OSBPL9: variants seen among roughly 807,000 people sequenced by gnomAD.
OSBPL9 encodes the protein oxysterol-binding protein-related protein 9.
OSBPL9 carries 40 observed loss-of-function variants against 106.6 expected under a neutral mutation model. That is an observed-to-expected ratio of 0.38 (90% CI 0.29 to 0.49). OSBPL9 has a LOEUF of 0.49. Ranked by LOEUF, OSBPL9 falls within the 20% of genes least tolerant of loss-of-function variation. The pLI is 0.97. For missense variants in OSBPL9, 609 were observed against 887.2 expected (o/e 0.69, Z 3.98); for synonymous variants, 269 against 295.4 (o/e 0.91, Z 0.92).
intron 3 of OSBPL9, among the ~76,000 whole-genome samples, chr1:51,705,444 G>T (rs1179889333): frequency 1.2e-5 from 1 of 80,216 alleles, no homozygotes; most frequent in Non-Finnish European, 2.2e-5. Context: ...ACGGAGTTTC[G>T]CTCTTGTTGC....
At chr1:51,617,278 G>T in intron 1 of OSBPL9, 57 bp downstream of exon 1, 2 of 1,525,678 alleles carry the variant, frequency 1.3e-6, no homozygotes, top group Non-Finnish European at 1.8e-6. Flanking sequence ...CCTGGGTGGA[G>T]GTGGGGGACC....
At chr1:51,718,535 G>C (rs996271214) in intron 4 of OSBPL9, among the ~76,000 whole-genome samples, 1 of 152,006 alleles carries the variant, frequency 6.6e-6, no homozygotes, top group Admixed American at 6.6e-5. Context: ...AGAATTTCTT[G>C]TCATTGGATA....
chr1:51,549,182 A>G, the OSBPL9 span, among the ~76,000 whole-genome samples: 1 of 152,164 alleles, frequency 6.6e-6, no homozygotes, highest in Non-Finnish European at 1.5e-5. Flanking sequence ...TCACCACCCT[A>G]CTTCCTGTCA....
chr1:51,654,426 CTTGA>C (rs1183983866), intron 2 of OSBPL9, among the ~76,000 whole-genome samples: 2 of 152,094 alleles, frequency 1.3e-5, no homozygotes, highest in Non-Finnish European at 2.9e-5. Flanking sequence ...AAGATGACTG[CTTGA>C]TTATTTCCTA....
chr1:51,519,315 G>A, the OSBPL9 span: 1 of 501,256 alleles, frequency 2.0e-6, no homozygotes, highest in Non-Finnish European at 3.1e-6. Context: ...AGCGGCCGCA[G>A]GCGAGGCCGG....
the OSBPL9 span, among the ~76,000 whole-genome samples, chr1:51,550,280 G>A: frequency 7.2e-5 from 11 of 152,180 alleles, no homozygotes; most frequent in East Asian, 1.5e-3. Context: ...AGGTAGTACA[G>A]AAAAAAATAA....
chr1:51,533,640 A>G, the OSBPL9 span, among the ~76,000 whole-genome samples: 1 of 152,072 alleles, frequency 6.6e-6, no homozygotes, highest in African/African-American at 2.4e-5. Flanking sequence ...TCGAGCCTCA[A>G]AATGGAGCAA....
upstream of OSBPL9, among the ~76,000 whole-genome samples, chr1:51,613,992 A>C (rs549247021): frequency 1.2e-3 from 182 of 152,238 alleles, no homozygotes; most frequent in African/African-American, 4.2e-3. Context: ...TTTGTTGCCC[A>C]GGCTGGTCTG....
At chr1:51,657,040 A>G (rs919564452) in intron 2 of OSBPL9, among the ~76,000 whole-genome samples, 1 of 152,092 alleles carries the variant, frequency 6.6e-6, no homozygotes, top group African/African-American at 2.4e-5. Flanking sequence ...TTACATGTTA[A>G]TTTTTCTGTT....
chr1:51,607,474 T>C (rs577023998), intron 2 of OSBPL9, among the ~76,000 whole-genome samples: 1 of 152,306 alleles, frequency 6.6e-6, no homozygotes, highest in Admixed American at 6.5e-5. Flanking sequence ...CAGATGTTTT[T>C]CTGTAGTATA....
chr1:51,761,372 A>G (rs1437132441), intron 10 of OSBPL9, among the ~76,000 whole-genome samples: 2 of 151,820 alleles, frequency 1.3e-5, no homozygotes, highest in East Asian at 1.9e-4. Context: ...GTTATATCCA[A>G]CATTTCTATG....
At chr1:51,702,734 A>G (rs895942134) in intron 3 of OSBPL9, among the ~76,000 whole-genome samples, 2 of 152,176 alleles carry the variant, frequency 1.3e-5, no homozygotes, top group African/African-American at 4.8e-5. Context: ...TATGTCCTGA[A>G]TGGTATTGCC....
chr1:51,598,525 TC>T (rs1280927533), intron 2 of OSBPL9, among the ~76,000 whole-genome samples: 1 of 152,194 alleles, frequency 6.6e-6, no homozygotes, highest in African/African-American at 2.4e-5. Context: ...CTTTGACTCA[TC>T]AGATGTAAGT....
intron 2 of OSBPL9, among the ~76,000 whole-genome samples, chr1:51,600,502 A>G (rs1645321251): frequency 6.6e-6 from 1 of 151,964 alleles, no homozygotes. Context: ...TGGATTCATT[A>G]TTATATATTC....
chr1:51,709,320 G>A (rs2148877830), intron 3 of OSBPL9: 1 of 217,184 alleles, frequency 4.6e-6, no homozygotes, highest in Non-Finnish European at 9.8e-6. Context: ...CCCCATGCAA[G>A]CCCTCAACTT....
the OSBPL9 span, among the ~76,000 whole-genome samples, chr1:51,538,048 T>C: frequency 6.6e-6 from 1 of 151,930 alleles, no homozygotes; most frequent in Non-Finnish European, 1.5e-5. Context: ...CTCAGCACTT[T>C]GGGAGGCCAA....
At chr1:51,659,610 AAAAGTAAT>A (rs1261136062) in intron 2 of OSBPL9, among the ~76,000 whole-genome samples, 1 of 152,054 alleles carries the variant, frequency 6.6e-6, no homozygotes, top group Non-Finnish European at 1.5e-5. Flanking sequence ...ATTCTGTGAA[AAAAGTAAT>A]AAAATAAACC....
Position 51,750,187 on chromosome 1 carries a change from A to G in OSBPL9, c.535A>G (p.Ile179Val). Reference protein sequence around the residue: ...SIKHCIVLLQIAKDQSNAEKH... With the variant: ...SIKHCIVLLQVAKDQSNAEKH... ...TAAACACTGCATTGTGTTGCTGCAG[A>G]TTGCCAAAGTAAGTAAATTTTACTT... is the stretch of plus-strand genomic sequence containing the variant. The change falls in exon 8 of 24, where the codon ATT becomes GTT. Residue 179 changes from isoleucine (I) to valine (V), a missense_variant. Ile to Val is a conservative substitution (Grantham distance 29). Coordinates refer to ENST00000428468, the MANE Select transcript of OSBPL9 (RefSeq NM_024586.6). The G allele has an allele frequency of 6.2e-7, 1 of 1,605,730 alleles. No individual in the cohort carries two copies. Among genetic ancestry groups the G allele is most frequent in the Non-Finnish European group, 8.5e-7 (1 of 1,176,262 alleles).
chr1:51,570,351 T>C, the OSBPL9 span, among the ~76,000 whole-genome samples: 1 of 152,254 alleles, frequency 6.6e-6, no homozygotes, highest in African/African-American at 2.4e-5. Context: ...TGCTTTATCA[T>C]GAAGCCATTG....
Sources: allele counts gnomAD v4.1 joint callset (sites outside exome capture counted in the v4.1 genomes callset), GRCh38; gene constraint gnomAD v4.1.1; transcripts MANE v1.5; gene names NCBI Gene and HGNC (gene_info 2026-07-23, HGNC 2026-07-21).